QTMAN: variants seen among roughly 807,000 people sequenced by gnomAD.
QTMAN encodes the protein tRNA-queuosine alpha-mannosyltransferase.
chr2:143,989,308 A>G, the QTMAN span, among the ~76,000 whole-genome samples: 1 of 152,150 alleles, frequency 6.6e-6, no homozygotes, highest in South Asian at 2.1e-4. Flanking sequence ...TGATAATCAT[A>G]AAGCTAAAAT....
the QTMAN span, among the ~76,000 whole-genome samples, chr2:143,976,384 T>C: frequency 6.6e-6 from 1 of 152,204 alleles, no homozygotes; most frequent in Admixed American, 6.5e-5. Context: ...TGGTATCAAA[T>C]TTCTTCACCT....
At chr2:144,122,614 A>AACCAACC in the QTMAN span, among the ~76,000 whole-genome samples, 1 of 152,164 alleles carries the variant, frequency 6.6e-6, no homozygotes, top group Non-Finnish European at 1.5e-5. Context: ...TTCAATAAGC[A>AACCAACC]ACCTACCACA....
the QTMAN span, among the ~76,000 whole-genome samples, chr2:144,084,357 G>T: frequency 6.6e-6 from 1 of 152,234 alleles, no homozygotes; most frequent in Non-Finnish European, 1.5e-5. Flanking sequence ...AAATTGGGAA[G>T]TAAAAGCAAT....
chr2:144,228,400 T>C, the QTMAN span, among the ~76,000 whole-genome samples: 1,338 of 152,348 alleles, frequency 8.8e-3, 14 homozygotes, highest in African/African-American at 0.03. Flanking sequence ...AATTCCTCCA[T>C]ATAAATCCAT....
chr2:144,135,076 T>A, the QTMAN span, among the ~76,000 whole-genome samples: 3 of 152,188 alleles, frequency 2.0e-5, no homozygotes, highest in South Asian at 2.1e-4. Context: ...TATTCATGAC[T>A]CCCTCATGGA....
At chr2:144,037,883 C>G in the QTMAN span, among the ~76,000 whole-genome samples, 1 of 152,132 alleles carries the variant, frequency 6.6e-6, no homozygotes, top group Admixed American at 6.5e-5. Context: ...TATAGCATTT[C>G]AATAGCTAGA....
chr2:144,246,021 A>C, the QTMAN span, among the ~76,000 whole-genome samples: 1 of 152,326 alleles, frequency 6.6e-6, no homozygotes, highest in East Asian at 1.9e-4. Context: ...AGGAATGTTA[A>C]GAACTGATCT....
chr2:144,247,925 A>C, the QTMAN span, among the ~76,000 whole-genome samples: 1 of 152,222 alleles, frequency 6.6e-6, no homozygotes, highest in African/African-American at 2.4e-5. Context: ...TCTTAGGCTC[A>C]AATGATCCAC....
At chr2:143,984,999 T>C in the QTMAN span, among the ~76,000 whole-genome samples, 12 of 152,344 alleles carry the variant, frequency 7.9e-5, no homozygotes, top group East Asian at 2.1e-3. Context: ...TGACTCTCTA[T>C]TGAGCTGGTT....
chr2:144,301,496 TA>T, the QTMAN span, among the ~76,000 whole-genome samples: 1 of 152,200 alleles, frequency 6.6e-6, no homozygotes. Context: ...GTGCTGGGAT[TA>T]CAGGCATGAG....
the QTMAN span, among the ~76,000 whole-genome samples, chr2:144,093,532 G>A: frequency 3.3e-5 from 5 of 152,246 alleles, no homozygotes; most frequent in East Asian, 7.7e-4. Context: ...CAAATCATAC[G>A]ACTGTATTAT....
the QTMAN span, among the ~76,000 whole-genome samples, chr2:144,058,325 T>C: frequency 6.6e-6 from 1 of 152,054 alleles, no homozygotes; most frequent in Admixed American, 6.6e-5. Flanking sequence ...CAAATATCAA[T>C]AGGAACTAAG....
the QTMAN span, among the ~76,000 whole-genome samples, chr2:143,970,934 T>A: frequency 1.3e-5 from 2 of 152,074 alleles, no homozygotes; most frequent in Non-Finnish European, 2.9e-5. Context: ...ATCAGCAATA[T>A]TTTCATGTCC....
the QTMAN span, among the ~76,000 whole-genome samples, chr2:143,966,161 G>A: frequency 6.6e-6 from 1 of 152,186 alleles, no homozygotes; most frequent in Non-Finnish European, 1.5e-5. Context: ...CACAGGCTGA[G>A]CACTTGCCTT....
chr2:144,162,963 T>C, the QTMAN span, among the ~76,000 whole-genome samples: 1 of 152,088 alleles, frequency 6.6e-6, no homozygotes, highest in South Asian at 2.1e-4. Context: ...CAGCAGTAAA[T>C]AGAATAACAC....
At chr2:144,211,877 A>AG in the QTMAN span, among the ~76,000 whole-genome samples, 3 of 152,214 alleles carry the variant, frequency 2.0e-5, no homozygotes, top group African/African-American at 7.2e-5. Context: ...TTGATACTAC[A>AG]GATGTTCAGA....
the QTMAN span, among the ~76,000 whole-genome samples, chr2:144,138,819 T>C: frequency 1.3e-5 from 2 of 152,182 alleles, no homozygotes; most frequent in Admixed American, 6.6e-5. Flanking sequence ...CATAATTATC[T>C]AGAAGAAGGG....
At chr2:144,089,318 A>G in the QTMAN span, among the ~76,000 whole-genome samples, 1 of 152,058 alleles carries the variant, frequency 6.6e-6, no homozygotes, top group Non-Finnish European at 1.5e-5. Flanking sequence ...GGAAGCAGAG[A>G]AAAGGGAACT....
the QTMAN span, among the ~76,000 whole-genome samples, chr2:144,072,082 C>T: frequency 6.6e-6 from 1 of 152,114 alleles, no homozygotes; most frequent in Non-Finnish European, 1.5e-5. Context: ...TCTTTGCTCA[C>T]ACGAAAAGCC....
Sources: gnomAD v4.1 joint callset for allele counts (sites outside exome capture counted in the v4.1 genomes callset) on GRCh38, gnomAD v4.1.1 for gene constraint, MANE v1.5 for transcripts, NCBI Gene and HGNC (gene_info 2026-07-23, HGNC 2026-07-21) for gene names.